The following NIN variants were observed in gnomAD, a reference collection of about 807,000 sequenced individuals.
NIN encodes the protein ninein.
A neutral mutation model predicts 257.6 loss-of-function variants in NIN; 137 were observed. The ratio of observed to expected loss-of-function variants is 0.53; its 90% CI spans 0.46 to 0.61. The LOEUF is 0.61. Ranked by LOEUF, NIN falls within the 20% of genes least tolerant of loss-of-function variation. NIN has a pLI of 0.00. For synonymous variants in NIN, 918 were observed against 919.8 expected (o/e 1.00, Z 0.04); for missense variants, 2,439 against 2,501.2 (o/e 0.98, Z 0.53).
At chr14:50,824,324 A>G (rs1366901028) in intron 2 of NIN, among the ~76,000 whole-genome samples, 1 of 152,042 alleles carries the variant, frequency 6.6e-6, no homozygotes, top group Non-Finnish European at 1.5e-5. Flanking sequence ...AGGTCATTGG[A>G]TTTTCACTAA....
chr14:50,786,727 C>T (rs573857856), intron 5 of NIN, among the ~76,000 whole-genome samples: 2 of 151,934 alleles, frequency 1.3e-5, no homozygotes, highest in East Asian at 3.9e-4. Context: ...AAGACTGGAA[C>T]AGAAAATTTA....
At chr14:50,729,398 T>C (rs1042286289) in intron 29 of NIN, 125 bp downstream of exon 29, 6 of 855,270 alleles carry the variant, frequency 7.0e-6, no homozygotes, top group African/African-American at 1.7e-5. Flanking sequence ...GCCTCCCAAG[T>C]AGCTGGGACT....
intron 3 of NIN, among the ~76,000 whole-genome samples, chr14:50,819,620 C>T (rs1312068000): frequency 1.3e-5 from 2 of 152,194 alleles, no homozygotes; most frequent in Non-Finnish European, 2.9e-5. Context: ...TACCCAGTCT[C>T]GGGTATGTCT....
chr14:50,777,919 T>G (rs1253671917), intron 6 of NIN, among the ~76,000 whole-genome samples: 1 of 152,214 alleles, frequency 6.6e-6, no homozygotes, highest in African/African-American at 2.4e-5. Flanking sequence ...CTCAGAGGGT[T>G]GAAAGCAGTA....
chr14:50,729,390 C>A, intron 29 of NIN, 133 bp downstream of exon 29: 5 of 807,362 alleles, frequency 6.2e-6, no homozygotes, highest in Non-Finnish European at 9.5e-6. Flanking sequence ...CCGTCTCAGC[C>A]TCCCAAGTAG....
At chr14:50,783,166 G>C (rs765184303) in intron 5 of NIN, among the ~76,000 whole-genome samples, 4 of 151,750 alleles carry the variant, frequency 2.6e-5, no homozygotes, top group Non-Finnish European at 5.9e-5. Flanking sequence ...GTGATCCTCC[G>C]GCCCTCCCCG....
intron 4 of NIN, among the ~76,000 whole-genome samples, chr14:50,799,490 G>A (rs1032504385): frequency 6.6e-6 from 1 of 152,214 alleles, no homozygotes; most frequent in Non-Finnish European, 1.5e-5. Flanking sequence ...TAACAGGTAA[G>A]ATTAGTGTAA....
rs11365448 is a variant in NIN, at chr14:50,744,085, AG to A, written c.5187+157del. Among the ~76,000 whole-genome samples the A allele has an allele frequency of 0.036, 5,503 of 152,300 alleles. 99 individuals are homozygous for A. Among genetic ancestry groups the A allele is most frequent in the Non-Finnish European group, 0.048 (3,276 of 68,024 alleles). ...TTTAGACTTCATCAGTCTTGGCTGC[AG>A]GAAGTCTGGGGTCACAGAATGCCAA... On this transcript the variant is annotated intron_variant, in intron 23 of 30. Transcript: ENST00000530997.
chr14:50,754,725 G>GT lies in NIN; in HGVS notation c.4664+16dup. The GT allele has an allele frequency of 6.3e-7, 1 of 1,580,452 alleles. No individual in the cohort carries two copies. On this transcript the variant is annotated intron_variant, in intron 19 of 30. Coordinates refer to ENST00000530997, the MANE Select transcript of NIN (RefSeq NM_020921.4). The stretch of plus-strand genomic sequence containing the variant: ...CTTTGCAAAAATGTCTTAGGAAAAT[G>GT]TAAGTATACGTCTTACCACATTTCT...
Position 50,735,632 on chromosome 14 carries a change from CAA to C in NIN, c.5776-17_5776-16del. 1 of 1,599,296 alleles carries C rather than the reference CAA, an allele frequency of 6.3e-7. No homozygotes were observed. The highest frequency in any genetic ancestry group is 8.5e-7 in the Non-Finnish European group (1 of 1,176,648). ...ATCTGACTGACCTGTTTAAAAAAAA[CAA>C]AATATTCCCTTGAAACAGAAACAAA... is the stretch of plus-strand genomic sequence containing the variant. On this transcript the variant is annotated splice_polypyrimidine_tract_variant and intron_variant, in intron 27 of 30. Coordinates refer to ENST00000530997, the MANE Select transcript of NIN (RefSeq NM_020921.4).
intron 22 of NIN, among the ~76,000 whole-genome samples, chr14:50,747,738 T>TAAA (rs112215274): frequency 1.5e-4 from 17 of 114,262 alleles, no homozygotes; most frequent in African/African-American, 5.1e-4. Flanking sequence ...GAAACTGTCT[T>TAAA]AAAAAAAAAA....
chr14:50,830,965 C>T (rs2045680663), intron 1 of NIN, 41 bp downstream of exon 1: 1 of 151,464 alleles, frequency 6.6e-6, no homozygotes, highest in South Asian at 2.1e-4. Context: ...TCCGTGCACC[C>T]CCAGGCCGTG....
chr14:50,818,187 T>G (rs1037575008), intron 3 of NIN, among the ~76,000 whole-genome samples: 30 of 151,174 alleles, frequency 2.0e-4, no homozygotes, highest in African/African-American at 5.6e-4. Context: ...GCCGGGTGTG[T>G]TGGTGGGCGC....
intron 4 of NIN, among the ~76,000 whole-genome samples, chr14:50,797,392 A>C (rs1177238180): frequency 2.0e-5 from 3 of 152,170 alleles, no homozygotes; most frequent in Non-Finnish European, 4.4e-5. Flanking sequence ...CTGGGAAATC[A>C]TTCCCAGAGA....
At chr14:50,765,843 G>A (rs375340058) in intron 14 of NIN, among the ~76,000 whole-genome samples, 1 of 146,966 alleles carries the variant, frequency 6.8e-6, no homozygotes, top group African/African-American at 2.5e-5. Flanking sequence ...TAACATTTAT[G>A]TTTTTTTTTT....
rs1042629216 is a variant in NIN at position 50,792,705 on chromosome 14, T to A, written c.435+7A>T. ...ATCCAGATGAACGTGCATGCCCGAT[T>A]CCTTACCTCACTGCAGTCACCGGCT... On this transcript the variant is annotated splice_region_variant and intron_variant, in intron 5 of 30. Transcript: ENST00000530997. 3.1e-6 allele frequency: 5 copies of A among 1,613,998 alleles called. No homozygotes were observed. The highest frequency in any genetic ancestry group is 4.2e-6 in the Non-Finnish European group (5 of 1,180,014).
At chr14:50,796,904 C>A (rs999425350) in intron 4 of NIN, among the ~76,000 whole-genome samples, 1 of 152,198 alleles carries the variant, frequency 6.6e-6, no homozygotes, top group Non-Finnish European at 1.5e-5. Flanking sequence ...CAGGTCACTG[C>A]TTAAAATGCT....
intron 29 of NIN, chr14:50,727,780 C>T: frequency 7.1e-7 from 1 of 1,417,360 alleles, no homozygotes; most frequent in Non-Finnish European, 9.5e-7. Flanking sequence ...TAGTACACTT[C>T]ACCCTCATGT....
intron 2 of NIN, among the ~76,000 whole-genome samples, chr14:50,829,600 G>C (rs1293524398): frequency 6.6e-6 from 1 of 152,188 alleles, no homozygotes; most frequent in East Asian, 1.9e-4. Context: ...TGAGCTGTAT[G>C]GCAAGCCCAT....
Sources: allele counts gnomAD v4.1 joint callset (sites outside exome capture counted in the v4.1 genomes callset), GRCh38; gene constraint gnomAD v4.1.1; transcripts MANE v1.5; gene names NCBI Gene and HGNC (gene_info 2026-07-23, HGNC 2026-07-21).